CHMP3: variants seen among roughly 807,000 people sequenced by gnomAD.
CHMP3 encodes the protein charged multivesicular body protein 3.
Under a neutral mutation model 27.4 loss-of-function variants are expected in CHMP3, and 8 were observed. That is an observed-to-expected ratio of 0.29 (90% CI 0.17 to 0.53). The LOEUF is 0.53. Ranked by LOEUF, CHMP3 falls within the 20% of genes least tolerant of loss-of-function variation. The pLI, the probability that CHMP3 is intolerant of heterozygous loss-of-function variation, is 0.96. For synonymous variants in CHMP3, 86 were observed against 85.5 expected (o/e 1.01, Z -0.03); for missense variants, 208 against 271.5 (o/e 0.77, Z 1.64).
intron 4 of CHMP3, among the ~76,000 whole-genome samples, 178 bp downstream of exon 4, chr2:86,510,180 G>A (rs747672992): frequency 2.6e-5 from 4 of 152,174 alleles, no homozygotes; most frequent in Non-Finnish European, 5.9e-5. Context: ...ATCTGACCCA[G>A]CCTCTGCTAT....
intron 1 of CHMP3, among the ~76,000 whole-genome samples, chr2:86,545,504 G>A (rs1208490616): frequency 2.3e-5 from 2 of 88,156 alleles, no homozygotes; most frequent in Non-Finnish European, 5.1e-5. Flanking sequence ...CAGATGGGGC[G>A]ACTGCCGGGC....
chr2:86,510,277 C>T (rs1675048961), intron 4 of CHMP3, 81 bp downstream of exon 4: 3 of 1,118,940 alleles, frequency 2.7e-6, no homozygotes, highest in Non-Finnish European at 3.9e-6. Context: ...CATCCCCACC[C>T]ACCCTCATCC....
chr2:86,542,082 T>G (rs977721628), intron 2 of CHMP3, among the ~76,000 whole-genome samples, 170 bp downstream of exon 2: 1 of 151,802 alleles, frequency 6.6e-6, no homozygotes, highest in African/African-American at 2.4e-5. Flanking sequence ...ACTCATTATC[T>G]TTTTTTAATA....
At chr2:86,509,424 T>C (rs75662223) in intron 4 of CHMP3, among the ~76,000 whole-genome samples, 6,284 of 152,292 alleles carry the variant, frequency 0.041, 198 homozygotes, top group African/African-American at 0.085. Context: ...ATGTCATTTT[T>C]CTGCAATTTT....
At chr2:86,536,941 G>A (rs1389361052) in intron 2 of CHMP3, among the ~76,000 whole-genome samples, 1 of 151,506 alleles carries the variant, frequency 6.6e-6, no homozygotes, top group Non-Finnish European at 1.5e-5. Flanking sequence ...TGCCCATGCT[G>A]GAGTGCAATG....
chr2:86,549,477 T>G (rs1198051029), intron 1 of CHMP3, among the ~76,000 whole-genome samples: 1 of 129,324 alleles, frequency 7.7e-6, no homozygotes, highest in Non-Finnish European at 1.6e-5. Context: ...GCTCCTCACT[T>G]CCCAGACGGG....
At chr2:86,550,463 G>A (rs1676862786) in intron 1 of CHMP3, among the ~76,000 whole-genome samples, 1 of 145,594 alleles carries the variant, frequency 6.9e-6, no homozygotes, top group Admixed American at 6.8e-5. Flanking sequence ...AGAGAGAGAG[G>A]GGAGTTCTTA....
intron 1 of CHMP3, among the ~76,000 whole-genome samples, chr2:86,553,969 T>C (rs1002891076): frequency 2.6e-5 from 4 of 152,228 alleles, no homozygotes; most frequent in African/African-American, 9.7e-5. Context: ...TGTCCCCAAA[T>C]TCGTATGTTG....
At chr2:86,562,539 G>A (rs1407266190) in intron 1 of CHMP3, among the ~76,000 whole-genome samples, 3 of 152,120 alleles carry the variant, frequency 2.0e-5, no homozygotes, top group Non-Finnish European at 2.9e-5. Context: ...CAATTACTCT[G>A]AGGTGACACT....
intron 1 of CHMP3, among the ~76,000 whole-genome samples, chr2:86,546,231 G>A (rs1017580787): frequency 1.3e-5 from 2 of 152,100 alleles, no homozygotes; most frequent in Non-Finnish European, 2.9e-5. Flanking sequence ...AGGTGTGGCG[G>A]TGCGTGCCTG....
chr2:86,534,892 A>G (rs539325233), intron 2 of CHMP3, among the ~76,000 whole-genome samples: 1 of 152,310 alleles, frequency 6.6e-6, no homozygotes, highest in African/African-American at 2.4e-5. Flanking sequence ...ATGTTTTTAA[A>G]TATAATATTA....
chr2:86,525,003 GC>G (rs1436060315), intron 3 of CHMP3, among the ~76,000 whole-genome samples: 2 of 152,058 alleles, frequency 1.3e-5, no homozygotes, highest in Non-Finnish European at 2.9e-5. Flanking sequence ...TTTACAGAGT[GC>G]TATCATGCTA....
chr2:86,550,395 A>AGAGGGGG lies in CHMP3; in HGVS notation c.46-8084_46-8083insCCCCCTC, dbSNP rs1558661012. On this transcript the variant is annotated intron_variant, in intron 1 of 5. Transcript: ENST00000263856. ...AGACGGAGAGGAGAGGGAGAGAGGG[A>AGAGGGGG]GAGAGGGGGAGAGGGAGAAAGGGAG... Among the ~76,000 whole-genome samples the AGAGGGGG allele has an allele frequency of 2.9e-3, 420 of 146,148 alleles. 3 individuals are homozygous for AGAGGGGG. The highest frequency in any genetic ancestry group is 9.2e-3 in the African/African-American group (369 of 40,186).
chr2:86,509,602 T>C (rs539318950), intron 4 of CHMP3, among the ~76,000 whole-genome samples: 163 of 152,310 alleles, frequency 1.1e-3, no homozygotes, highest in Non-Finnish European at 2.0e-3. Flanking sequence ...AAACAGCATC[T>C]GTGTGAGGGA....
intron 1 of CHMP3, among the ~76,000 whole-genome samples, chr2:86,545,937 C>T (rs1328079846): frequency 6.6e-6 from 1 of 152,088 alleles, no homozygotes; most frequent in Non-Finnish European, 1.5e-5. Context: ...CAGGCAGAGA[C>T]ACTCCTCACT....
intron 3 of CHMP3, among the ~76,000 whole-genome samples, chr2:86,520,036 T>C (rs1366365602): frequency 1.3e-5 from 2 of 152,212 alleles, no homozygotes; most frequent in Non-Finnish European, 2.9e-5. Flanking sequence ...AATGACATAA[T>C]GTTAGACTAA....
chr2:86,556,161 T>TA (rs1411192396), intron 1 of CHMP3, among the ~76,000 whole-genome samples: 6 of 152,254 alleles, frequency 3.9e-5, no homozygotes, highest in Non-Finnish European at 8.8e-5. Context: ...TAATACATTT[T>TA]AATGGTACAA....
chr2:86,521,094 C>CT, intron 3 of CHMP3, among the ~76,000 whole-genome samples: 1 of 152,282 alleles, frequency 6.6e-6, no homozygotes, highest in East Asian at 1.9e-4. Context: ...TGAGAATGTA[C>CT]TTTGTGAGAT....
chr2:86,536,781 T>C (rs1437088787), intron 2 of CHMP3, among the ~76,000 whole-genome samples: 1 of 152,236 alleles, frequency 6.6e-6, no homozygotes, highest in Non-Finnish European at 1.5e-5. Flanking sequence ...CATTATTTCT[T>C]CAAATAATCT....
Sources: allele counts gnomAD v4.1 joint callset (sites outside exome capture counted in the v4.1 genomes callset), GRCh38; gene constraint gnomAD v4.1.1; transcripts MANE v1.5; gene names NCBI Gene and HGNC (gene_info 2026-07-23, HGNC 2026-07-21).